GRM7: variants seen among roughly 807,000 people sequenced by gnomAD.
GRM7 encodes metabotropic glutamate receptor 7.
A neutral mutation model predicts 84.5 loss-of-function variants in GRM7; 35 were observed. The observed-to-expected ratio is 0.41, with a 90% CI of 0.32 to 0.55. The LOEUF (loss-of-function observed/expected upper bound fraction) is 0.55. Among genes scored for constraint, GRM7 ranks in the 20% least tolerant of loss-of-function variants. The pLI is 0.19. For synonymous variants in GRM7, 487 were observed against 455.1 expected, an observed-to-expected ratio of 1.07 and a Z score of -0.89; for missense variants, 1,003 against 1,194.6, an observed-to-expected ratio of 0.84 and a Z score of 2.36.
At chr3:7,520,203 T>C (rs904131889) in intron 7 of GRM7, 1 of 152,116 alleles carries the variant, frequency 6.6e-6, no homozygotes, top group African/African-American at 2.4e-5. Context: ...AAAGAAAGCA[T>C]GTGGAACGGG....
chr3:7,338,988 C>T (rs1010206679), intron 4 of GRM7, among the ~76,000 whole-genome samples: 9 of 151,588 alleles, frequency 5.9e-5, no homozygotes, highest in African/African-American at 2.2e-4. Context: ...ACAATATCAC[C>T]TTTTCATATC....
chr3:6,918,345 A>G (rs980441295), intron 1 of GRM7, among the ~76,000 whole-genome samples: 1 of 152,162 alleles, frequency 6.6e-6, no homozygotes, highest in Admixed American at 6.5e-5. Context: ...AATAAACTGT[A>G]TTAGGTACCC....
chr3:7,312,936 C>CTTTTTTTTTTTTTTTTTT (rs372557190), intron 4 of GRM7, among the ~76,000 whole-genome samples: 2 of 127,262 alleles, frequency 1.6e-5, no homozygotes, highest in South Asian at 2.5e-4. Flanking sequence ...TTCTTTTTTT[C>CTTTTTTTTTTTTTTTTTT]TTTTTTTTTT....
chr3:7,611,047 G>C (rs1462268742), intron 8 of GRM7, among the ~76,000 whole-genome samples: 2 of 152,204 alleles, frequency 1.3e-5, no homozygotes, highest in Non-Finnish European at 2.9e-5. Flanking sequence ...AGAATATATT[G>C]AATAGCCTTG....
chr3:7,713,076 T>A (rs957927292), intron 9 of GRM7, among the ~76,000 whole-genome samples: 2 of 151,820 alleles, frequency 1.3e-5, no homozygotes, highest in African/African-American at 4.8e-5. Flanking sequence ...AGATCCGACT[T>A]CTGAATAAGG....
At chr3:7,023,912 G>T (rs1423342111) in intron 1 of GRM7, among the ~76,000 whole-genome samples, 1 of 152,110 alleles carries the variant, frequency 6.6e-6, no homozygotes, top group African/African-American at 2.4e-5. Flanking sequence ...GGATTCTATC[G>T]CTCTTCAGGG....
intron 1 of GRM7, among the ~76,000 whole-genome samples, chr3:6,889,758 G>A (rs1163912286): frequency 1.3e-5 from 2 of 152,032 alleles, no homozygotes; most frequent in Non-Finnish European, 2.9e-5. Context: ...AAATGAGTTA[G>A]GGAGGATTCC....
intron 2 of GRM7, among the ~76,000 whole-genome samples, chr3:7,178,102 G>C (rs9812333): frequency 0.38 from 58,441 of 152,028 alleles, 12,336 homozygotes; most frequent in African/African-American, 0.56. Flanking sequence ...TATTGGCCAA[G>C]GTGAAAGCAA....
In GRM7 at chr3:7,257,018, G is replaced by A. The variant is rs539664919; in HGVS notation, c.737-41666G>A. Among the ~76,000 whole-genome samples the A allele has an allele frequency of 3.0e-4, 46 of 152,310 alleles. No homozygotes were observed. In the South Asian group the frequency reaches 8.5e-3, roughly 28 times the overall value. ...AATCTGCTTAAGCCAAGGCTCAGAA[G>A]TGAAAGTGGGGGTTATATATGGGAT... On this transcript the variant is annotated intron_variant, in intron 2 of 9. Transcript: ENST00000357716.
chr3:6,861,256 A>T lies in GRM7; in HGVS notation c.-133A>T. On this transcript the variant is annotated 5_prime_UTR_variant, in exon 1 of 10. Coordinates refer to ENST00000357716, the MANE Select transcript of GRM7 (RefSeq NM_000844.4). The surrounding 1 kb of genome is among the most constrained non-coding windows in gnomAD (Gnocchi z 6.4). ...ACCCTCTCTGGTCGCCCCTCCCCGG[A>T]TTCCCCCACCCTCCGTGCCTGCAGG... The T allele has an allele frequency of 1.5e-6, 1 of 654,890 alleles. No homozygotes were observed. The allele number at this position is 654,890 out of a possible 1,614,324, so 40.6% of individuals were successfully genotyped here.
intron 1 of GRM7, among the ~76,000 whole-genome samples, chr3:7,105,700 T>C (rs894573613): frequency 6.6e-6 from 1 of 151,826 alleles, no homozygotes; most frequent in African/African-American, 2.4e-5. Flanking sequence ...TTCTTTTGAG[T>C]TCTTTCAGGT....
At chr3:7,042,643 C>A (rs1379093105) in intron 1 of GRM7, among the ~76,000 whole-genome samples, 1 of 150,776 alleles carries the variant, frequency 6.6e-6, no homozygotes. Context: ...TTTTCTTTGG[C>A]ATTTTAGTTT....
intron 2 of GRM7, among the ~76,000 whole-genome samples, chr3:7,258,893 G>A (rs1283402477): frequency 6.6e-6 from 1 of 152,224 alleles, no homozygotes; most frequent in South Asian, 2.1e-4. Flanking sequence ...GAAAGGACAG[G>A]TAAATGTGGC....
intron 7 of GRM7, among the ~76,000 whole-genome samples, chr3:7,548,708 T>G (rs1459467113): frequency 1.3e-5 from 2 of 152,180 alleles, no homozygotes; most frequent in African/African-American, 4.8e-5. Context: ...TCTAACTCAA[T>G]GTAAATCATC....
At chr3:7,658,240 C>G (rs889766773) in intron 8 of GRM7, among the ~76,000 whole-genome samples, 1 of 152,172 alleles carries the variant, frequency 6.6e-6, no homozygotes, top group Middle Eastern at 3.2e-3. Flanking sequence ...ATTCAATACA[C>G]TGCTAATGAA....
At chr3:7,464,084 T>A (rs2124912078) in intron 7 of GRM7, among the ~76,000 whole-genome samples, 1 of 152,250 alleles carries the variant, frequency 6.6e-6, no homozygotes, top group South Asian at 2.1e-4. Flanking sequence ...CAGCACATAT[T>A]ACCGGGCCCT....
chr3:7,694,643 A>G (rs1305372929), intron 9 of GRM7, among the ~76,000 whole-genome samples: 1 of 152,180 alleles, frequency 6.6e-6, no homozygotes, highest in African/African-American at 2.4e-5. Context: ...ACATTTAAAC[A>G]CACTCAGTTT....
At chr3:6,903,763 C>A (rs929741316) in intron 1 of GRM7, among the ~76,000 whole-genome samples, 5 of 152,074 alleles carry the variant, frequency 3.3e-5, no homozygotes, top group Non-Finnish European at 7.4e-5. Context: ...TCTCTTTAAC[C>A]GTATCCTTAA....
chr3:7,712,555 T>A (rs985710179), intron 9 of GRM7, among the ~76,000 whole-genome samples: 1 of 152,128 alleles, frequency 6.6e-6, no homozygotes, highest in African/African-American at 2.4e-5. Flanking sequence ...CCTTTTCACT[T>A]AATAACAGGC....
Sources: allele counts gnomAD v4.1 joint callset (sites outside exome capture counted in the v4.1 genomes callset), GRCh38; gene constraint gnomAD v4.1.1; non-coding constraint Gnocchi (gnomAD v3.1); transcripts MANE v1.5; gene names NCBI Gene and HGNC (gene_info 2026-07-23, HGNC 2026-07-21).